Variants in AGK observed in about 807,000 individuals in gnomAD.
AGK encodes the protein acylglycerol kinase, mitochondrial.
A neutral mutation model predicts 66.4 loss-of-function variants in AGK; 52 were observed. The observed-to-expected ratio is 0.78, with a 90% CI of 0.63 to 0.99. AGK has a LOEUF of 0.99. AGK is among the 50% of genes least tolerant of loss of function. The pLI is 0.00. For missense variants in AGK, 451 were observed against 506.6 expected (o/e 0.89, Z 1.05); for synonymous variants, 182 against 181.1 (o/e 1.00, Z -0.04).
At chr7:141,577,776 G>A (rs1351981452) in intron 2 of AGK, among the ~76,000 whole-genome samples, 3 of 151,204 alleles carry the variant, frequency 2.0e-5, no homozygotes, top group East Asian at 2.0e-4. Flanking sequence ...CTCAATTCAA[G>A]TTGTCCTGCC....
rs201762775 is a variant in AGK, at chr7:141,615,460, T to TC, written c.424-3dup. 2,290 of 1,598,346 alleles carry TC rather than the reference T, an allele frequency of 1.4e-3. 13 individuals are homozygous for TC. The highest frequency in any genetic ancestry group is 1.5e-3 in the Middle Eastern group (9 of 6,024). ...ATAACAATAAAACTTTCCTCTTCTT[T>TC]CCCCCCCCAGGCTACCTTCAGTAAG... is the stretch of plus-strand genomic sequence containing the variant. On this transcript the variant is annotated splice_polypyrimidine_tract_variant and intron_variant, in intron 7 of 15. Coordinates refer to ENST00000649286, the MANE Select transcript of AGK (RefSeq NM_018238.4).
rs764066565 is a variant in AGK, at chr7:141,611,231, C to G, written c.334C>G (p.Leu112Val). Residue 112 changes from leucine to valine, a missense_variant, in exon 6 of 16, where the codon CTG (leucine) becomes GTG (valine). By Grantham distance (32) the Leu-to-Val change is conservative. Transcript: ENST00000649286. Reference protein sequence around the residue: ...YEGQAKKLLELMENTDVIIVA... With the variant: ...YEGQAKKLLEVMENTDVIIVA... ...GGGACAAGCCAAGAAACTCCTGGAA[C>G]TGATGGAAAACACGGATGTGATCAT... The G allele has an allele frequency of 6.2e-7, 1 of 1,613,502 alleles. No homozygotes were observed. The highest frequency in any genetic ancestry group is 8.5e-7 in the Non-Finnish European group (1 of 1,179,666).
At chr7:141,577,009 C>T (rs1218690830) in intron 2 of AGK, among the ~76,000 whole-genome samples, 1 of 152,028 alleles carries the variant, frequency 6.6e-6, no homozygotes, top group East Asian at 1.9e-4. Flanking sequence ...CACTGCACTC[C>T]AGCCTGGGCG....
intron 13 of AGK, among the ~76,000 whole-genome samples, chr7:141,646,400 A>G (rs1285131917): frequency 6.6e-6 from 1 of 152,158 alleles, no homozygotes; most frequent in Non-Finnish European, 1.5e-5. Context: ...CTCTTCAGAC[A>G]TGGGGCATTG....
intron 7 of AGK, among the ~76,000 whole-genome samples, chr7:141,614,516 A>G (rs758041941): frequency 1.3e-5 from 2 of 152,124 alleles, no homozygotes; most frequent in Non-Finnish European, 2.9e-5. Context: ...TGAATGAACT[A>G]AATGTATAAA....
At chr7:141,634,266 C>T (rs1042736797) in intron 10 of AGK, among the ~76,000 whole-genome samples, 3 of 152,212 alleles carry the variant, frequency 2.0e-5, no homozygotes, top group African/African-American at 7.2e-5. Context: ...AGGTTAGGCT[C>T]AAGCTAGGCT....
At chr7:141,594,370 TTTTTAGTAGAGATAGGGG>T (rs1375763029) in intron 3 of AGK, among the ~76,000 whole-genome samples, 5 of 151,978 alleles carry the variant, frequency 3.3e-5, no homozygotes, top group Non-Finnish European at 7.4e-5. Context: ...AATTTTTGTA[TTTTTAGTAGAGATAGGGG>T]TTCTCCATGT....
rs969266142 is a variant in AGK, at chr7:141,555,144, C to T, written c.-14-309C>T. On this transcript the variant is annotated intron_variant, in intron 1 of 15. Transcript: ENST00000649286. This position sits in a 1 kb window ranked among gnomAD's most constrained non-coding sequence, Gnocchi z 4.2. The stretch of plus-strand genomic sequence containing the variant: ...TGGAATTCCCTTCCTCTCTTTCTGC[C>T]CCTCCCTCTTCCTTCTATTGCAATG... Among the ~76,000 whole-genome samples, 8 of 152,106 alleles carry T rather than the reference C, an allele frequency of 5.3e-5. No individual in the cohort carries two copies. The highest frequency in any genetic ancestry group is 1.9e-4 in the African/African-American group (8 of 41,394).
intron 2 of AGK, among the ~76,000 whole-genome samples, chr7:141,563,513 C>T (rs984841888): frequency 8.5e-5 from 13 of 152,212 alleles, no homozygotes; most frequent in African/African-American, 1.4e-4. Flanking sequence ...GTTATCTTCC[C>T]GGACACCCTG....
chr7:141,558,491 A>G (rs945380444), intron 2 of AGK, among the ~76,000 whole-genome samples: 1 of 152,042 alleles, frequency 6.6e-6, no homozygotes, highest in Non-Finnish European at 1.5e-5. Flanking sequence ...GTAAAGATAT[A>G]TTCTTTACGT....
chr7:141,568,243 A>G (rs1795509839), intron 2 of AGK, among the ~76,000 whole-genome samples: 1 of 152,184 alleles, frequency 6.6e-6, no homozygotes, highest in African/African-American at 2.4e-5. Flanking sequence ...GACTGACCCA[A>G]CATAACTACA....
chr7:141,641,952 AAGTGAC>A (rs1458135696), intron 13 of AGK, 44 bp downstream of exon 13: 1 of 1,464,020 alleles, frequency 6.8e-7, no homozygotes. Context: ...TACCTAAGAA[AAGTGAC>A]AATAGCTATA....
chr7:141,566,629 A>G (rs1047518830), intron 2 of AGK, among the ~76,000 whole-genome samples: 4 of 152,162 alleles, frequency 2.6e-5, no homozygotes, highest in African/African-American at 9.7e-5. Flanking sequence ...CCTAACTCCT[A>G]GTTCAAAGAG....
intron 2 of AGK, among the ~76,000 whole-genome samples, chr7:141,588,728 CAG>C (rs1345449985): frequency 3.3e-5 from 5 of 152,092 alleles, no homozygotes; most frequent in Admixed American, 6.5e-5. Flanking sequence ...ATATGCTAAA[CAG>C]GGGGTGGATT....
At chr7:141,594,597 T>C (rs1214937554) in intron 3 of AGK, among the ~76,000 whole-genome samples, 1 of 152,198 alleles carries the variant, frequency 6.6e-6, no homozygotes, top group African/African-American at 2.4e-5. Flanking sequence ...TCTCTCCTCA[T>C]ACTTTTTCAG....
intron 8 of AGK, chr7:141,616,359 T>C (rs1054942746): frequency 1.3e-5 from 2 of 152,188 alleles, no homozygotes; most frequent in African/African-American, 4.8e-5. Context: ...AAATAAATAT[T>C]TGTTGCATGA....
At chr7:141,627,258 T>C (rs981585413) in intron 9 of AGK, among the ~76,000 whole-genome samples, 1 of 152,216 alleles carries the variant, frequency 6.6e-6, no homozygotes, top group Non-Finnish European at 1.5e-5. Context: ...AGTAGTTACA[T>C]AGCGATTCCT....
chr7:141,615,538 T>C lies in AGK; in HGVS notation c.491T>C (p.Leu164Pro). 1 of 1,613,912 alleles carries C rather than the reference T, an allele frequency of 6.2e-7. No homozygotes were observed. The highest frequency in any genetic ancestry group is 8.5e-7 in the Non-Finnish European group (1 of 1,179,840). Residue 164 changes from leucine (L) to proline (P), a missense_variant, in exon 8 of 16, where the codon CTC becomes CCC. Physicochemically the swap from Leu to Pro is moderately conservative, Grantham distance 98. Transcript: ENST00000649286. ...GAGACCAGTAGTTTGAGTCATACCCTCTTTGCCGAAAGTGGAAACAAAGTC... is the reference window on the plus strand; with the variant it reads ...GAGACCAGTAGTTTGAGTCATACCCCCTTTGCCGAAAGTGGAAACAAAGTC... ...LGETSSLSHT[L>P]FAESGNKVQH...
intron 2 of AGK, among the ~76,000 whole-genome samples, chr7:141,583,819 G>A (rs1447299039): frequency 2.0e-5 from 3 of 151,942 alleles, no homozygotes; most frequent in African/African-American, 7.3e-5. Context: ...ACGGAAAGAT[G>A]GCACCAAGAT....
Sources: allele counts gnomAD v4.1 joint callset (sites outside exome capture counted in the v4.1 genomes callset), GRCh38; gene constraint gnomAD v4.1.1; non-coding constraint Gnocchi (gnomAD v3.1); transcripts MANE v1.5; gene names NCBI Gene and HGNC (gene_info 2026-07-23, HGNC 2026-07-21).